The following CEP128 variants were observed in gnomAD, a reference collection of about 807,000 sequenced individuals.
The protein encoded by CEP128 is centrosomal protein 128kDa.
A neutral mutation model predicts 156.7 loss-of-function variants in CEP128; 132 were observed. The observed-to-expected ratio is 0.84, with a 90% CI of 0.73 to 0.97. The LOEUF (loss-of-function observed/expected upper bound fraction) is 0.97, where lower values mean the gene tolerates loss of function less well. CEP128 is among the 50% of genes least tolerant of loss of function. The pLI is 0.00. For missense variants in CEP128, 1,252 were observed against 1,281.9 expected (o/e 0.98, Z 0.36); for synonymous variants, 469 against 448.9 (o/e 1.04, Z -0.57).
chr14:80,954,939 C>A (rs1211369231), intron 2 of CEP128: 2 of 153,224 alleles, frequency 1.3e-5, no homozygotes, highest in Non-Finnish European at 2.9e-5. Context: ...AAGTTCAGTT[C>A]CTGAATTGCC....
At chr14:80,889,782 T>C (rs1888998579) in intron 8 of CEP128, among the ~76,000 whole-genome samples, 1 of 152,276 alleles carries the variant, frequency 6.6e-6, no homozygotes, top group Admixed American at 6.5e-5. Context: ...AAATAGGATC[T>C]AATTAAACTA....
intron 10 of CEP128, among the ~76,000 whole-genome samples, chr14:80,838,811 A>G (rs1335763069): frequency 6.6e-6 from 1 of 152,204 alleles, no homozygotes; most frequent in Non-Finnish European, 1.5e-5. Context: ...TAGATGTCTA[A>G]ATTCAGAATG....
At chr14:80,742,783 A>G in intron 19 of CEP128, 1 of 329,586 alleles carries the variant, frequency 3.0e-6, no homozygotes, top group South Asian at 3.8e-5. Context: ...ATTTTACTGA[A>G]GTAAATGTAA....
intron 19 of CEP128, among the ~76,000 whole-genome samples, chr14:80,716,457 A>C (rs1897609294): frequency 6.6e-6 from 1 of 152,218 alleles, no homozygotes; most frequent in Non-Finnish European, 1.5e-5. Context: ...ACCAGTATCT[A>C]AAGATTTAAC....
At chr14:80,932,378 G>C (rs1197700921) in intron 2 of CEP128, among the ~76,000 whole-genome samples, 1 of 152,206 alleles carries the variant, frequency 6.6e-6, no homozygotes, top group Non-Finnish European at 1.5e-5. Context: ...TGCTAGAAGA[G>C]GATCAACTTC....
chr14:80,561,993 T>C (rs1270373558), intron 20 of CEP128, among the ~76,000 whole-genome samples: 3 of 151,414 alleles, frequency 2.0e-5, no homozygotes, highest in Non-Finnish European at 4.4e-5. Context: ...AGTGGCATGA[T>C]CTCAACTCAC....
intron 19 of CEP128, among the ~76,000 whole-genome samples, chr14:80,665,679 C>T (rs1307865984): frequency 6.6e-6 from 1 of 151,618 alleles, no homozygotes; most frequent in Non-Finnish European, 1.5e-5. Context: ...CCTAATCTCT[C>T]GGGGAGAAAT....
chr14:80,931,838 C>T (rs1175807305), intron 2 of CEP128, among the ~76,000 whole-genome samples: 1 of 152,198 alleles, frequency 6.6e-6, no homozygotes. Flanking sequence ...AGAGACTGAG[C>T]CAGGGCCTTC....
intron 1 of CEP128, among the ~76,000 whole-genome samples, chr14:80,941,262 T>C (rs892233885): frequency 6.6e-6 from 1 of 152,026 alleles, no homozygotes. Context: ...ATGAGTCCAA[T>C]CTCCTGTCCC....
intron 7 of CEP128, among the ~76,000 whole-genome samples, chr14:80,898,987 T>G (rs1301167005): frequency 6.6e-6 from 1 of 152,142 alleles, no homozygotes; most frequent in Non-Finnish European, 1.5e-5. Flanking sequence ...AGTTATTTCA[T>G]CTCTCTGTGC....
At chr14:80,941,432 G>C (rs1361218426) in intron 1 of CEP128, 149 bp downstream of exon 1, 1 of 152,318 alleles carries the variant, frequency 6.6e-6, no homozygotes, top group Non-Finnish European at 1.5e-5. Context: ...CCTCACCTCT[G>C]CACACACTCC....
intron 19 of CEP128, among the ~76,000 whole-genome samples, chr14:80,694,181 A>T (rs1230672965): frequency 1.3e-5 from 2 of 152,220 alleles, no homozygotes; most frequent in African/African-American, 4.8e-5. Context: ...TGGCCATTAG[A>T]GAAATGCAAA....
At chr14:80,479,058 A>G (rs1887000407) in intron 14 of CEP128, among the ~76,000 whole-genome samples, 1 of 152,212 alleles carries the variant, frequency 6.6e-6, no homozygotes, top group African/African-American at 2.4e-5. Flanking sequence ...TTCATGAGCC[A>G]TTACATGTAA....
At chr14:80,774,637 ATGTGTG>A (rs151337408) in intron 16 of CEP128, among the ~76,000 whole-genome samples, 1 of 150,450 alleles carries the variant, frequency 6.6e-6, no homozygotes, top group Non-Finnish European at 1.5e-5. Flanking sequence ...GTGTGTGTGT[ATGTGTG>A]TGTGTGTGTA....
At chr14:80,730,457 T>C (rs994380479) in intron 19 of CEP128, among the ~76,000 whole-genome samples, 4 of 152,202 alleles carry the variant, frequency 2.6e-5, no homozygotes, top group Admixed American at 6.5e-5. Flanking sequence ...TCCTGTACCA[T>C]TGACAGACCC....
At chr14:80,772,640 TCA>T (rs772406096) in intron 16 of CEP128, among the ~76,000 whole-genome samples, 1 of 151,650 alleles carries the variant, frequency 6.6e-6, no homozygotes, top group Non-Finnish European at 1.5e-5. Flanking sequence ...GCCTCAGGAG[TCA>T]CAGACACCCA....
At chr14:80,656,294 TATATATATATATATATATATATATATA>T (rs1895151401) in intron 19 of CEP128, among the ~76,000 whole-genome samples, 1 of 2,854 alleles carries the variant, frequency 3.5e-4, no homozygotes, top group African/African-American at 1.2e-3. Context: ...TATATATTTA[TATATATATATATATATATATATATATA>T]TATATATATA....
chr14:80,726,132 C>CCTATGTCTGATGA (rs1170668153), intron 19 of CEP128, among the ~76,000 whole-genome samples: 1 of 152,194 alleles, frequency 6.6e-6, no homozygotes, highest in Non-Finnish European at 1.5e-5. Flanking sequence ...ACAGACATCT[C>CCTATGTCTGATGA]CTATGTCTGA....
intron 20 of CEP128, among the ~76,000 whole-genome samples, chr14:80,572,394 G>A (rs183572374): frequency 6.6e-6 from 1 of 152,268 alleles, no homozygotes; most frequent in East Asian, 1.9e-4. Flanking sequence ...TTCCAAATCT[G>A]TTGCACACTA....
Sources: allele counts gnomAD v4.1 joint callset (sites outside exome capture counted in the v4.1 genomes callset), GRCh38; gene constraint gnomAD v4.1.1; transcripts MANE v1.5; gene names NCBI Gene and HGNC (gene_info 2026-07-23, HGNC 2026-07-21).